EYS: variants seen among roughly 807,000 people sequenced by gnomAD.
EYS encodes the protein EGF-like photoreceptor maintenance factor.
A neutral mutation model predicts 282.1 loss-of-function variants in EYS; 250 were observed. That is an observed-to-expected ratio of 0.89 (90% confidence interval 0.80 to 0.98). The LOEUF is 0.98. Among genes scored for constraint, EYS ranks in the 50% least tolerant of loss-of-function variants. The pLI, the probability that EYS is intolerant of heterozygous loss-of-function variation, is 0.00. For synonymous variants in EYS, 1,355 were observed against 1,282.9 expected (o/e 1.06, Z -1.20); for missense variants, 4,016 against 3,709.0 (o/e 1.08, Z -2.15).
At chr6:65,450,107 T>C (rs1764348671) in intron 5 of EYS, among the ~76,000 whole-genome samples, 1 of 152,160 alleles carries the variant, frequency 6.6e-6, no homozygotes, top group Non-Finnish European at 1.5e-5. Flanking sequence ...ATTGCATGTC[T>C]AATTCTGACA....
intron 12 of EYS, among the ~76,000 whole-genome samples, chr6:65,266,251 T>C (rs988903177): frequency 6.6e-6 from 1 of 151,932 alleles, no homozygotes; most frequent in African/African-American, 2.4e-5. Context: ...CTATATTTAC[T>C]TTCCTGTCAG....
At chr6:64,954,496 C>A (rs1226850868) in intron 14 of EYS, among the ~76,000 whole-genome samples, 1 of 152,020 alleles carries the variant, frequency 6.6e-6, no homozygotes, top group Non-Finnish European at 1.5e-5. Flanking sequence ...AAAATATAAT[C>A]TTGTATGAGA....
intron 34 of EYS, among the ~76,000 whole-genome samples, chr6:63,988,191 A>C (rs906740833): frequency 9.9e-5 from 15 of 151,588 alleles, no homozygotes. Flanking sequence ...AAGATAAGTG[A>C]TCCACTGTTA....
intron 9 of EYS, among the ~76,000 whole-genome samples, chr6:65,350,867 T>C (rs574578992): frequency 6.6e-6 from 1 of 151,798 alleles, no homozygotes; most frequent in South Asian, 2.1e-4. Flanking sequence ...ATTGGGCGTG[T>C]AAGACACTTA....
rs545926421 is a variant in EYS at position 64,170,307 on chromosome 6, A to C, written c.6424+60285T>G. ...TCAAAACACAATGTATCCCCTAAGCAACTTGCTTTTCTTTAGATAAATGTA... is the reference window on the plus strand; with the variant it reads ...TCAAAACACAATGTATCCCCTAAGCCACTTGCTTTTCTTTAGATAAATGTA... On this transcript the variant is annotated intron_variant, in intron 31 of 42. Coordinates refer to ENST00000503581, the MANE Select transcript of EYS (RefSeq NM_001142800.2). Among the ~76,000 whole-genome samples the C allele has an allele frequency of 3.3e-5, 5 of 152,330 alleles. No homozygotes were observed. In the South Asian group the frequency reaches 1.0e-3, roughly 32 times the overall value.
intron 21 of EYS, among the ~76,000 whole-genome samples, chr6:64,820,949 A>T (rs1388384006): frequency 6.6e-6 from 1 of 152,080 alleles, no homozygotes; most frequent in African/African-American, 2.4e-5. Flanking sequence ...ATGGTTTCAC[A>T]ATGACAAAGG....
At chr6:65,292,669 G>A (rs1322566709) in intron 12 of EYS, among the ~76,000 whole-genome samples, 1 of 151,706 alleles carries the variant, frequency 6.6e-6, no homozygotes, top group Admixed American at 6.6e-5. Context: ...TGAAAATAAG[G>A]CATCAATAAC....
intron 29 of EYS, among the ~76,000 whole-genome samples, chr6:64,376,222 T>C (rs1285391995): frequency 1.8e-4 from 27 of 152,244 alleles, no homozygotes; most frequent in African/African-American, 6.5e-4. Context: ...GGAAGTTAAC[T>C]CAGACTTAAT....
intron 11 of EYS, among the ~76,000 whole-genome samples, chr6:65,334,680 T>C (rs1769917084): frequency 6.6e-6 from 1 of 151,874 alleles, no homozygotes; most frequent in South Asian, 2.1e-4. Context: ...GTACACATCT[T>C]AACTTAGCAG....
chr6:63,801,765 C>T (rs1332175876), intron 37 of EYS, among the ~76,000 whole-genome samples: 1 of 152,132 alleles, frequency 6.6e-6, no homozygotes, highest in African/African-American at 2.4e-5. Flanking sequence ...TTCCAGAGAG[C>T]TCAATGGTGG....
At chr6:64,463,840 G>A (rs567878277) in intron 26 of EYS, among the ~76,000 whole-genome samples, 1 of 152,190 alleles carries the variant, frequency 6.6e-6, no homozygotes, top group Non-Finnish European at 1.5e-5. Flanking sequence ...TGGCTTCACT[G>A]CTAACTTCTA....
intron 22 of EYS, among the ~76,000 whole-genome samples, chr6:64,689,224 G>A (rs1240606338): frequency 6.6e-6 from 1 of 152,060 alleles, no homozygotes; most frequent in Non-Finnish European, 1.5e-5. Flanking sequence ...ATTCACAATT[G>A]CTTCAAAGAG....
chr6:65,132,646 G>A (rs1411307123), intron 12 of EYS, among the ~76,000 whole-genome samples: 4 of 151,922 alleles, frequency 2.6e-5, no homozygotes, highest in Non-Finnish European at 5.9e-5. Context: ...ATGAAAACCA[G>A]CACAAGACAA....
At chr6:64,228,317 C>T (rs984007159) in intron 31 of EYS, among the ~76,000 whole-genome samples, 1 of 152,136 alleles carries the variant, frequency 6.6e-6, no homozygotes, top group African/African-American at 2.4e-5. Context: ...ACATGCATAT[C>T]ATATGGCACT....
At chr6:64,167,432 T>C (rs1223985464) in intron 31 of EYS, among the ~76,000 whole-genome samples, 1 of 152,218 alleles carries the variant, frequency 6.6e-6, no homozygotes, top group East Asian at 1.9e-4. Flanking sequence ...ATATTCAGAA[T>C]AGTGCCATCA....
chr6:65,315,039 T>C (rs919576773), intron 11 of EYS, among the ~76,000 whole-genome samples: 6 of 152,054 alleles, frequency 3.9e-5, no homozygotes, highest in Non-Finnish European at 8.8e-5. Context: ...GAATGGAATC[T>C]CACAGAGCAC....
At chr6:65,279,857 A>G (rs1396379563) in intron 12 of EYS, among the ~76,000 whole-genome samples, 1 of 152,156 alleles carries the variant, frequency 6.6e-6, no homozygotes, top group Non-Finnish European at 1.5e-5. Context: ...TTTTCCCAAC[A>G]TGATTTCAAT....
intron 26 of EYS, among the ~76,000 whole-genome samples, chr6:64,461,226 T>A (rs1457267377): frequency 6.6e-6 from 1 of 152,238 alleles, no homozygotes. Context: ...CTTTTGGTTA[T>A]CTAAAAATCT....
At chr6:65,275,331 T>C (rs1768017183) in intron 12 of EYS, among the ~76,000 whole-genome samples, 1 of 152,150 alleles carries the variant, frequency 6.6e-6, no homozygotes, top group African/African-American at 2.4e-5. Flanking sequence ...GACCTGAGTT[T>C]CCCATAATGA....
Sources: gnomAD v4.1 joint callset for allele counts (sites outside exome capture counted in the v4.1 genomes callset) on GRCh38, gnomAD v4.1.1 for gene constraint, MANE v1.5 for transcripts, NCBI Gene and HGNC (gene_info 2026-07-23, HGNC 2026-07-21) for gene names.